The following NEB variants were observed in gnomAD, a reference collection of about 807,000 sequenced individuals.
NEB encodes the protein nebulin, also known as nemaline myopathy type 2.
Under a neutral mutation model 952.2 loss-of-function variants are expected in NEB, and 512 were observed. The observed-to-expected ratio is 0.54, with a 90% CI of 0.50 to 0.58. The LOEUF (loss-of-function observed/expected upper bound fraction) is 0.58. Ranked by LOEUF, NEB falls within the 20% of genes least tolerant of loss-of-function variation. The pLI, the probability that NEB is intolerant of heterozygous loss-of-function variation, is 0.00. For missense variants in NEB, 8,428 were observed against 9,231.1 expected, an observed-to-expected ratio of 0.91 and a Z score of 3.56; for synonymous variants, 2,900 against 3,149.8, an observed-to-expected ratio of 0.92 and a Z score of 2.66.
rs947405751 is a variant in NEB, at chr2:151,687,607, G to A, written c.2523+19C>T. ...AAGGCCACCCTGTCCAGGTCCCCAG[G>A]TCCCCAGGCCACACTCACATCGCTG... On this transcript the variant is annotated intron_variant, in intron 26 of 181. Transcript: ENST00000397345. The A allele has an allele frequency of 6.2e-7, 1 of 1,613,488 alleles. No individual in the cohort carries two copies. The highest frequency in any genetic ancestry group is 8.5e-7 in the Non-Finnish European group (1 of 1,179,620).
rs1465063402 is a variant in NEB at position 151,492,463 on chromosome 2, A to G, written c.24797T>C (p.Ile8266Thr). 1.9e-6 allele frequency: 3 copies of G among 1,613,330 alleles called. No homozygotes were observed. The highest frequency in any genetic ancestry group is 2.5e-6 in the Non-Finnish European group (3 of 1,179,606). Residue 8266 changes from isoleucine (I) to threonine (T), a missense_variant, in exon 177 of 182, where the codon ATA (isoleucine) becomes ACA (threonine). Physicochemically the swap from Ile to Thr is moderately conservative, Grantham distance 89. This residue lies in a region of NEB where 3,374 missense variants were observed against 3,651.5 expected (regional missense o/e 0.92). Coordinates refer to ENST00000397345, the MANE Select transcript of NEB (RefSeq NM_001164508.2). ...VLYSDSFRKQ[I>T]QGKAAYVLDT... is the part of the protein sequence containing the mutation. ...CAATACATAGGCAGCTTTGCCTTGTATTTGTTTCCGGAAACTATCAGAATA... is the reference window on the plus strand; with the variant it reads ...CAATACATAGGCAGCTTTGCCTTGTGTTTGTTTCCGGAAACTATCAGAATA...
intron 171 of NEB, chr2:151,497,386 A>G: frequency 1.0e-6 from 1 of 980,180 alleles, no homozygotes; most frequent in Non-Finnish European, 1.2e-6. Flanking sequence ...TGAAAAACTC[A>G]TTATTTTAAA....
chr2:151,650,983 G>A, intron 52 of NEB, 98 bp from the exon 53 acceptor site: 2 of 1,207,378 alleles, frequency 1.7e-6, no homozygotes, highest in Non-Finnish European at 2.3e-6. Flanking sequence ...TTTGAGACAG[G>A]GGTCTATGTT....
Position 151,729,659 on chromosome 2 carries a change from G to A in NEB, c.37-3C>T. 6.2e-7 allele frequency: 1 copy of A among 1,613,258 alleles called. No individual in the cohort carries two copies. The stretch of plus-strand genomic sequence containing the variant: ...TAAACCACTTCTTCTGTGTAGTACT[G>A]TAAATAGAGCACAAAGGCATTGGCA... On this transcript the variant is annotated splice_region_variant and splice_polypyrimidine_tract_variant and intron_variant, in intron 3 of 181. Coordinates refer to ENST00000397345, the MANE Select transcript of NEB (RefSeq NM_001164508.2).
intron 76 of NEB, 122 bp from the exon 77 acceptor site, chr2:151,614,709 T>G: frequency 1.7e-6 from 2 of 1,177,112 alleles, no homozygotes; most frequent in Admixed American, 2.6e-5. Flanking sequence ...GAAAAGTGAG[T>G]ATCATCAACC....
At chr2:151,665,672 C>G (rs1364459944) in intron 41 of NEB, 133 bp from the exon 42 acceptor site, 6 of 672,440 alleles carry the variant, frequency 8.9e-6, no homozygotes, top group Non-Finnish European at 1.4e-5. Flanking sequence ...TTACTCCCTA[C>G]AGTCTTTCAG....
At chr2:151,729,704 C>T (rs1173604833) in intron 3 of NEB, 48 bp from the exon 4 acceptor site, 18 of 1,587,468 alleles carry the variant, frequency 1.1e-5, no homozygotes, top group Non-Finnish European at 1.6e-5. Flanking sequence ...AAGCAGAAAC[C>T]ACCTCTCCTC....
intron 88 of NEB, among the ~76,000 whole-genome samples, chr2:151,601,464 C>A (rs2097534622): frequency 9.6e-6 from 1 of 103,712 alleles, no homozygotes; most frequent in South Asian, 3.7e-4. Flanking sequence ...AAATGTGTAA[C>A]CCTATCTACG....
intron 179 of NEB, among the ~76,000 whole-genome samples, chr2:151,491,037 CTTTT>C (rs35824119): frequency 2.2e-5 from 3 of 138,036 alleles, no homozygotes; most frequent in Admixed American, 7.3e-5. Context: ...ACATAATATC[CTTTT>C]TTTTTTTTTT....
At chr2:151,620,583 AGCCT>A (rs920197266) in intron 72 of NEB, among the ~76,000 whole-genome samples, 7 of 151,960 alleles carry the variant, frequency 4.6e-5, no homozygotes, top group Admixed American at 6.6e-5. Flanking sequence ...AACTCAGTTA[AGCCT>A]GCTTCTTTTC....
intron 160 of NEB, 47 bp downstream of exon 160, chr2:151,513,533 G>T: frequency 7.2e-7 from 1 of 1,396,284 alleles, no homozygotes; most frequent in Non-Finnish European, 1.0e-6. Flanking sequence ...TGTCCTTAAA[G>T]TTACAACTAC....
intron 24 of NEB, 76 bp from the exon 25 acceptor site, chr2:151,688,472 C>A: frequency 9.0e-7 from 1 of 1,104,982 alleles, no homozygotes; most frequent in Non-Finnish European, 1.4e-6. Flanking sequence ...ATAGCTAAGG[C>A]ATTAGTGCTG....
chr2:151,678,855 T>A (rs2099393500), intron 32 of NEB, among the ~76,000 whole-genome samples: 1 of 152,040 alleles, frequency 6.6e-6, no homozygotes, highest in Non-Finnish European at 1.5e-5. Flanking sequence ...GGGTGAGAAC[T>A]TCGGGTGGGA....
Position 151,640,337 on chromosome 2 carries a change from A to T in NEB, c.8685+18T>A, listed in dbSNP as rs756995329. 1 of 1,609,028 alleles carries T rather than the reference A, an allele frequency of 6.2e-7. No homozygotes were observed. Among genetic ancestry groups the T allele is most frequent in the Non-Finnish European group, 8.5e-7 (1 of 1,176,036 alleles). On this transcript the variant is annotated intron_variant, in intron 61 of 181. Transcript: ENST00000397345. ...TAATTTCCCACCTCTGCACGTTATT[A>T]TGACTCTCAGTACTCACATCGCTCT... is the stretch of plus-strand genomic sequence containing the variant.
chr2:151,535,645 T>C (rs2093025601), intron 142 of NEB, 46 bp downstream of exon 142: 1 of 1,216,388 alleles, frequency 8.2e-7, no homozygotes, highest in Non-Finnish European at 1.2e-6. Flanking sequence ...TGAGACTTCT[T>C]TAGGGAATTG....
At chr2:151,725,427 T>C (rs1559659346) in intron 6 of NEB, 26 bp downstream of exon 6, 1 of 1,569,240 alleles carries the variant, frequency 6.4e-7, no homozygotes, top group East Asian at 2.2e-5. Flanking sequence ...AATGTCCCTC[T>C]CCTTTATTTC....
Position 151,609,800 on chromosome 2 carries a change from G to A in NEB, c.12330+9C>T, listed in dbSNP as rs770107122. On this transcript the variant is annotated intron_variant, in intron 81 of 181. Coordinates refer to ENST00000397345, the MANE Select transcript of NEB (RefSeq NM_001164508.2). Reference sequence around the variant, plus strand: ...CCCTTCCCCCTTTCCCAAAATTCATGTTACGTACATCACTCTGCAGGTCAT... The same window carrying A: ...CCCTTCCCCCTTTCCCAAAATTCATATTACGTACATCACTCTGCAGGTCAT... 1 of 1,554,430 alleles carries A rather than the reference G, an allele frequency of 6.4e-7. No homozygotes were observed. The highest frequency in any genetic ancestry group is 8.7e-7 in the Non-Finnish European group (1 of 1,151,964).
chr2:151,641,561 C>G (rs1370914597), intron 60 of NEB, among the ~76,000 whole-genome samples: 1 of 152,082 alleles, frequency 6.6e-6, no homozygotes, highest in African/African-American at 2.4e-5. Context: ...AAACTCCTGC[C>G]CTTAAGTGAT....
chr2:151,571,736 G>T (rs2096635611), intron 107 of NEB, among the ~76,000 whole-genome samples: 1 of 152,144 alleles, frequency 6.6e-6, no homozygotes, highest in South Asian at 2.1e-4. Context: ...TGGATACATT[G>T]TGTATTAACA....
Sources: allele counts gnomAD v4.1 joint callset (sites outside exome capture counted in the v4.1 genomes callset), GRCh38; gene constraint gnomAD v4.1.1; regional missense constraint gnomAD v4.1.1; transcripts MANE v1.5; gene names NCBI Gene and HGNC (gene_info 2026-07-23, HGNC 2026-07-21).